The following SEPHS1 variants were observed in gnomAD, a reference collection of about 807,000 sequenced individuals.
The protein encoded by SEPHS1 is zincore component SEPHS1.
Under a neutral mutation model 39.2 loss-of-function variants are expected in SEPHS1, and 7 were observed. That is an observed-to-expected ratio of 0.18 (90% confidence interval 0.10 to 0.34). The LOEUF (loss-of-function observed/expected upper bound fraction) is 0.34. Among genes scored for constraint, SEPHS1 ranks in the 10% least tolerant of loss-of-function variants. The pLI is 1.00. For missense variants in SEPHS1, 253 were observed against 514.5 expected (o/e 0.49, Z 4.92); for synonymous variants, 190 against 195.5 (o/e 0.97, Z 0.23).
intron 5 of SEPHS1, 35 bp from the exon 6 acceptor site, chr10:13,329,823 T>G (rs772376975): frequency 6.0e-6 from 9 of 1,511,264 alleles, no homozygotes; most frequent in Non-Finnish European, 5.5e-6. Flanking sequence ...CTAGTCAAAC[T>G]AACCAAGGAG....
chr10:13,341,214 GGCC>G (rs1833774637), intron 2 of SEPHS1, among the ~76,000 whole-genome samples: 1 of 152,132 alleles, frequency 6.6e-6, no homozygotes, highest in Non-Finnish European at 1.5e-5. Flanking sequence ...GATGCCCACA[GGCC>G]TTGAAAAACT....
intron 2 of SEPHS1, among the ~76,000 whole-genome samples, chr10:13,341,560 AC>A (rs1299878587): frequency 6.6e-6 from 1 of 152,082 alleles, no homozygotes; most frequent in East Asian, 1.9e-4. Context: ...TAATTAGGAT[AC>A]ATTTAGTAAT....
intron 2 of SEPHS1, chr10:13,340,876 A>C (rs1329169452): frequency 2.6e-5 from 4 of 152,212 alleles, no homozygotes; most frequent in African/African-American, 9.6e-5. Context: ...GACACTAGAC[A>C]CAGGGGGTGG....
intron 1 of SEPHS1, 46 bp downstream of exon 1, chr10:13,347,954 C>T (rs1833984096): frequency 6.8e-6 from 1 of 147,848 alleles, no homozygotes; most frequent in South Asian, 2.1e-4. Context: ...GACCCAGATT[C>T]CCCTTTAAGC....
intron 2 of SEPHS1, among the ~76,000 whole-genome samples, chr10:13,340,107 C>T (rs919903192): frequency 3.8e-4 from 58 of 151,980 alleles, no homozygotes; most frequent in African/African-American, 1.2e-3. Flanking sequence ...TAATATTCTG[C>T]GTAAGTGAAA....
rs1554789111 is a variant in SEPHS1, at chr10:13,325,962, A to AAT, written c.751+2388_751+2389insAT. On this transcript the variant is annotated intron_variant, in intron 7 of 8. Coordinates refer to ENST00000327347, the MANE Select transcript of SEPHS1 (RefSeq NM_012247.5). Reference sequence around the variant, plus strand: ...ACTCAGTCTCAAAAAAAAAAAAAAAAAATAATAATAATAATAATAAATGAA... The same window carrying AAT: ...ACTCAGTCTCAAAAAAAAAAAAAAAAATAATAATAATAATAATAATAAATGAA... 1.3e-3 allele frequency among the ~76,000 whole-genome samples: 87 copies of AAT among 67,824 alleles called. 3 individuals are homozygous for AAT. Among genetic ancestry groups the AAT allele is most frequent in the Middle Eastern group, 6.7e-3 (1 of 150 alleles). The allele number at this position is 67,824 out of a possible 152,430, so 44.5% of individuals were successfully genotyped here.
intron 4 of SEPHS1, among the ~76,000 whole-genome samples, chr10:13,334,414 G>A (rs931905715): frequency 3.3e-5 from 5 of 152,116 alleles, no homozygotes; most frequent in East Asian, 1.9e-4. Flanking sequence ...GGTAGCATGC[G>A]CCTGTAATCC....
Position 13,338,781 on chromosome 10 carries a change from G to C in SEPHS1, c.221C>G (p.Pro74Arg), listed in dbSNP as rs1455051268. The C allele has an allele frequency of 6.2e-7, 1 of 1,614,086 alleles. No individual in the cohort carries two copies. The highest frequency in any genetic ancestry group is 8.5e-7 in the Non-Finnish European group (1 of 1,179,950). ...CAAGGAAAGCCCACCGTGCCTCAAA[G>C]GAATGACACAAGTATCCATTCCAAT... ...LGIGMDTCVI[P>R]LRHGGLSLVQ... The change falls in exon 3 of 9, where the codon CCT becomes CGT. Residue 74 changes from proline (P) to arginine (R), a missense_variant. By Grantham distance (103) the Pro-to-Arg change is moderately radical. This residue lies in a region of SEPHS1 where 123 missense variants were observed against 196.8 expected (regional missense o/e 0.62). Transcript: ENST00000327347.
At chr10:13,323,346 C>G (rs1027078364) in intron 7 of SEPHS1, among the ~76,000 whole-genome samples, 1 of 151,740 alleles carries the variant, frequency 6.6e-6, no homozygotes, top group Non-Finnish European at 1.5e-5. Context: ...ATCCTAAAAC[C>G]AAAGACCGGC....
chr10:13,325,015 T>A (rs1440821219), intron 7 of SEPHS1, among the ~76,000 whole-genome samples: 1 of 152,198 alleles, frequency 6.6e-6, no homozygotes. Context: ...TGAGTTGTTT[T>A]TTATTATTGA....
At chr10:13,338,112 G>T (rs759317408) in intron 3 of SEPHS1, among the ~76,000 whole-genome samples, 1 of 152,216 alleles carries the variant, frequency 6.6e-6, no homozygotes, top group African/African-American at 2.4e-5. Flanking sequence ...CCTCAGCAGT[G>T]TATCATCAGT....
intron 7 of SEPHS1, among the ~76,000 whole-genome samples, chr10:13,324,871 T>A (rs1198555231): frequency 6.6e-6 from 1 of 152,212 alleles, no homozygotes; most frequent in African/African-American, 2.4e-5. Flanking sequence ...AGGTATGTGG[T>A]GGCATCTCAA....
chr10:13,345,810 G>C (rs1833904879), intron 1 of SEPHS1, among the ~76,000 whole-genome samples: 1 of 152,214 alleles, frequency 6.6e-6, no homozygotes, highest in South Asian at 2.1e-4. Flanking sequence ...CTGGGAGGCG[G>C]AGGTTGCAGT....
At chr10:13,342,958 C>G (rs1271001074) in intron 2 of SEPHS1, among the ~76,000 whole-genome samples, 1 of 152,108 alleles carries the variant, frequency 6.6e-6, no homozygotes, top group East Asian at 1.9e-4. Flanking sequence ...TGGTCTTGAA[C>G]TCCTGACCTT....
chr10:13,325,551 C>T (rs567547956), intron 7 of SEPHS1, among the ~76,000 whole-genome samples: 7 of 152,258 alleles, frequency 4.6e-5, no homozygotes, highest in South Asian at 4.1e-4. Flanking sequence ...CCATCTGCCA[C>T]GACTGTAAGT....
chr10:13,324,784 G>C (rs1833218088), intron 7 of SEPHS1, among the ~76,000 whole-genome samples: 1 of 152,126 alleles, frequency 6.6e-6, no homozygotes, highest in African/African-American at 2.4e-5. Flanking sequence ...CTAATTTTTT[G>C]TATTTTTTTG....
chr10:13,335,665 A>C (rs1222687375), intron 4 of SEPHS1, among the ~76,000 whole-genome samples: 1 of 130,688 alleles, frequency 7.7e-6, no homozygotes, highest in African/African-American at 3.7e-5. Context: ...CTCTGTCTCA[A>C]TAAAACAAAA....
chr10:13,331,296 T>C (rs1488442279), intron 5 of SEPHS1, among the ~76,000 whole-genome samples: 1 of 152,228 alleles, frequency 6.6e-6, no homozygotes, highest in Non-Finnish European at 1.5e-5. Flanking sequence ...AATAAACATA[T>C]GTGTGCATGC....
intron 6 of SEPHS1, 46 bp downstream of exon 6, chr10:13,329,652 A>G: frequency 7.0e-7 from 1 of 1,434,574 alleles, no homozygotes; most frequent in South Asian, 1.2e-5. Flanking sequence ...AATTACCTGC[A>G]AACGTACCAT....
Sources: allele counts gnomAD v4.1 joint callset (sites outside exome capture counted in the v4.1 genomes callset), GRCh38; gene constraint gnomAD v4.1.1; regional missense constraint gnomAD v4.1.1; transcripts MANE v1.5; gene names NCBI Gene and HGNC (gene_info 2026-07-23, HGNC 2026-07-21).